The following HHAT variants were observed in gnomAD, a reference collection of about 807,000 sequenced individuals.
The protein encoded by HHAT is hedgehog acyltransferase.
HHAT carries 47 observed loss-of-function variants against 70.8 expected under a neutral mutation model. The observed-to-expected ratio is 0.66, with a 90% CI of 0.53 to 0.85. HHAT has a LOEUF of 0.85. Ranked by LOEUF, HHAT falls within the 40% of genes least tolerant of loss-of-function variation. The pLI, the probability that HHAT is intolerant of heterozygous loss-of-function variation, is 0.00. For missense variants in HHAT, 609 were observed against 604.8 expected (o/e 1.01, Z -0.07); for synonymous variants, 228 against 247.6 (o/e 0.92, Z 0.74).
intron 7 of HHAT, among the ~76,000 whole-genome samples, chr1:210,458,403 TGATCATTGCCCTTCCGA>T (rs1450128983): frequency 6.6e-6 from 1 of 152,198 alleles, no homozygotes; most frequent in Non-Finnish European, 1.5e-5. Flanking sequence ...AAGAAAGCTG[TGATCATTGCCCTTCCGA>T]TCTTATAGAT....
chr1:210,415,953 T>C (rs4601592), intron 6 of HHAT, among the ~76,000 whole-genome samples: 82,997 of 151,624 alleles, frequency 0.55, 22,796 homozygotes, highest in Admixed American at 0.62. Flanking sequence ...GCCACCGTCC[T>C]CGGCCTAATT....
intron 9 of HHAT, among the ~76,000 whole-genome samples, chr1:210,515,716 C>A (rs2095043100): frequency 6.8e-6 from 1 of 147,500 alleles, no homozygotes; most frequent in Admixed American, 7.1e-5. Context: ...TGAGATTGCG[C>A]CACTGCACTC....
chr1:210,385,819 G>C (rs2148134074), intron 3 of HHAT, among the ~76,000 whole-genome samples: 1 of 152,302 alleles, frequency 6.6e-6, no homozygotes, highest in Non-Finnish European at 1.5e-5. Context: ...ACTGTGTGCT[G>C]CTACAAACTT....
intron 11 of HHAT, among the ~76,000 whole-genome samples, chr1:210,625,944 G>A (rs140962675): frequency 6.6e-6 from 1 of 152,328 alleles, no homozygotes; most frequent in Non-Finnish European, 1.5e-5. Context: ...GGGGTGTGTA[G>A]GGAAGCATGC....
intron 11 of HHAT, among the ~76,000 whole-genome samples, chr1:210,670,952 A>G (rs1403216706): frequency 6.6e-6 from 1 of 152,074 alleles, no homozygotes; most frequent in African/African-American, 2.4e-5. Flanking sequence ...CTATCTAGCC[A>G]CCTCTCTGGA....
At chr1:210,415,785 G>C (rs992397186) in intron 6 of HHAT, among the ~76,000 whole-genome samples, 3 of 151,702 alleles carry the variant, frequency 2.0e-5, no homozygotes, top group Non-Finnish European at 4.4e-5. Flanking sequence ...CAGCCTCCTG[G>C]GTAGCTGGGA....
At chr1:210,358,334 A>T (rs2087876141) in intron 2 of HHAT, among the ~76,000 whole-genome samples, 1 of 152,254 alleles carries the variant, frequency 6.6e-6, no homozygotes, top group African/African-American at 2.4e-5. Context: ...TGAGTGGCAG[A>T]TGAGCAGCCC....
intron 1 of HHAT, among the ~76,000 whole-genome samples, chr1:210,336,287 A>ATTTTT (rs541795412): frequency 0.056 from 4,718 of 84,470 alleles, 728 homozygotes; most frequent in African/African-American, 0.19. Context: ...TGCCTGGCTA[A>ATTTTT]TTTTTTTTTT....
intron 11 of HHAT, chr1:210,630,981 T>C (rs1409924574): frequency 1.8e-5 from 8 of 446,296 alleles, no homozygotes; most frequent in Admixed American, 5.0e-5. Context: ...CATATCTTTG[T>C]ATTTTTCTGT....
intron 4 of HHAT, among the ~76,000 whole-genome samples, chr1:210,388,899 T>C (rs763527345): frequency 6.6e-6 from 1 of 152,208 alleles, no homozygotes; most frequent in Non-Finnish European, 1.5e-5. Context: ...TGTTTTTCTT[T>C]ACCTCTGTGA....
At chr1:210,561,280 A>G (rs544186899) in intron 9 of HHAT, among the ~76,000 whole-genome samples, 2 of 152,358 alleles carry the variant, frequency 1.3e-5, no homozygotes, top group East Asian at 1.9e-4. Context: ...AAATAAATCT[A>G]TTCATAGTGT....
At chr1:210,657,659 A>G (rs1332133642) in intron 11 of HHAT, among the ~76,000 whole-genome samples, 1 of 152,192 alleles carries the variant, frequency 6.6e-6, no homozygotes, top group Non-Finnish European at 1.5e-5. Flanking sequence ...TGCTGACATC[A>G]CCTTTGAGAT....
intron 9 of HHAT, among the ~76,000 whole-genome samples, chr1:210,567,829 A>G (rs1655145776): frequency 6.6e-6 from 1 of 152,214 alleles, no homozygotes; most frequent in Admixed American, 6.5e-5. Flanking sequence ...TTGGGGGACA[A>G]CTAACATCCA....
intron 4 of HHAT, among the ~76,000 whole-genome samples, chr1:210,390,986 A>G (rs2148157493): frequency 6.6e-6 from 1 of 152,296 alleles, no homozygotes; most frequent in East Asian, 1.9e-4. Context: ...TTTTTCATAT[A>G]ATGACTTCTT....
intron 8 of HHAT, among the ~76,000 whole-genome samples, chr1:210,495,774 G>A (rs115946971): frequency 0.12 from 18,213 of 152,036 alleles, 1,416 homozygotes; most frequent in South Asian, 0.23. Flanking sequence ...TTGGGTGGCC[G>A]AGGCGGGCAG....
At chr1:210,547,920 A>G (rs977350259) in intron 9 of HHAT, among the ~76,000 whole-genome samples, 1 of 152,192 alleles carries the variant, frequency 6.6e-6, no homozygotes, top group Non-Finnish European at 1.5e-5. Flanking sequence ...ACTTTGGAAC[A>G]ATGAATGGCA....
At chr1:210,577,737 C>T (rs1260012341) in intron 9 of HHAT, among the ~76,000 whole-genome samples, 4 of 146,082 alleles carry the variant, frequency 2.7e-5, no homozygotes, top group South Asian at 2.2e-4. Context: ...AACCTTGCCT[C>T]CTGAGTTCAA....
At chr1:210,478,173 C>G (rs2094334637) in intron 8 of HHAT, among the ~76,000 whole-genome samples, 1 of 152,144 alleles carries the variant, frequency 6.6e-6, no homozygotes, top group African/African-American at 2.4e-5. Context: ...GTCACTCACT[C>G]TAATAGGATT....
intron 6 of HHAT, among the ~76,000 whole-genome samples, chr1:210,414,125 C>A (rs997931308): frequency 1.3e-5 from 2 of 152,190 alleles, no homozygotes; most frequent in Admixed American, 6.5e-5. Flanking sequence ...TTGGCAGATT[C>A]AGTGTCTGGT....
Sources: allele counts gnomAD v4.1 joint callset (sites outside exome capture counted in the v4.1 genomes callset), GRCh38; gene constraint gnomAD v4.1.1; transcripts MANE v1.5; gene names NCBI Gene and HGNC (gene_info 2026-07-23, HGNC 2026-07-21).